Variants in GGA2 observed in about 807,000 individuals in gnomAD.
GGA2 encodes the protein ADP-ribosylation factor-binding protein GGA2.
Under a neutral mutation model 79.5 loss-of-function variants are expected in GGA2, and 48 were observed. That is an observed-to-expected ratio of 0.60 (90% confidence interval 0.48 to 0.77). GGA2 has a LOEUF of 0.77. Among genes scored for constraint, GGA2 ranks in the 30% least tolerant of loss-of-function variants. The pLI is 0.00. For missense variants in GGA2, 770 were observed against 774.0 expected (o/e 0.99, Z 0.06); for synonymous variants, 317 against 302.0 (o/e 1.05, Z -0.51).
chr16:23,486,559 G>T, intron 7 of GGA2, 151 bp downstream of exon 7: 1 of 699,572 alleles, frequency 1.4e-6, no homozygotes, highest in Non-Finnish European at 2.6e-6. Flanking sequence ...GCCCTTGAGG[G>T]AGACTATGGC....
chr16:23,505,230 CAAGTGGAA>C (rs1964962008), intron 1 of GGA2, among the ~76,000 whole-genome samples: 1 of 152,116 alleles, frequency 6.6e-6, no homozygotes, highest in Non-Finnish European at 1.5e-5. Flanking sequence ...GGAGTAGGAC[CAAGTGGAA>C]GGAAGAAACA....
At chr16:23,516,011 A>ATTT (rs34582265) in intron 2 of GGA2, among the ~76,000 whole-genome samples, 4 of 141,122 alleles carry the variant, frequency 2.8e-5, no homozygotes, top group Non-Finnish European at 3.1e-5. Flanking sequence ...CCTCTGACCT[A>ATTT]TTTTTTTTTT....
intron 12 of GGA2, 136 bp from the exon 13 acceptor site, chr16:23,478,637 G>T (rs1199846824): frequency 1.2e-5 from 10 of 869,192 alleles, no homozygotes; most frequent in Non-Finnish European, 1.7e-5. Context: ...GGCAAGAGGG[G>T]AAAGAAAGGG....
At chr16:23,470,286 A>G (rs1964494052) in intron 14 of GGA2, 121 bp from the exon 15 acceptor site, 4 of 669,866 alleles carry the variant, frequency 6.0e-6, no homozygotes, top group Admixed American at 3.5e-5. Context: ...GAACATGTCC[A>G]GGACTGAATT....
At chr16:23,480,541 T>C in intron 10 of GGA2, 104 bp downstream of exon 10, 1 of 975,442 alleles carries the variant, frequency 1.0e-6, no homozygotes, top group Non-Finnish European at 1.5e-6. Context: ...GCGAGTTCTC[T>C]CATTTCTATT....
chr16:23,483,860 T>C (rs915961795), intron 8 of GGA2, among the ~76,000 whole-genome samples: 3 of 150,996 alleles, frequency 2.0e-5, no homozygotes, highest in African/African-American at 7.3e-5. Context: ...TTGGTCAGGC[T>C]GGTCTTGAAC....
intron 8 of GGA2, among the ~76,000 whole-genome samples, chr16:23,484,237 G>A (rs112767915): frequency 7.3e-5 from 11 of 150,478 alleles, no homozygotes; most frequent in African/African-American, 2.7e-4. Context: ...GAGAAACCCT[G>A]TCTCTACTTA....
intron 14 of GGA2, among the ~76,000 whole-genome samples, 197 bp from the exon 15 acceptor site, chr16:23,470,362 C>T (rs573946905): frequency 1.3e-5 from 2 of 152,116 alleles, no homozygotes; most frequent in Non-Finnish European, 2.9e-5. Context: ...TCCAAACTGA[C>T]CTTTCCCCAC....
At chr16:23,490,787 C>T (rs1964773214) in intron 5 of GGA2, among the ~76,000 whole-genome samples, 1 of 151,296 alleles carries the variant, frequency 6.6e-6, no homozygotes, top group Non-Finnish European at 1.5e-5. Flanking sequence ...TAAATGATTA[C>T]TGAAAGATCT....
At chr16:23,485,338 T>A (rs1463713656) in intron 8 of GGA2, among the ~76,000 whole-genome samples, 2 of 152,198 alleles carry the variant, frequency 1.3e-5, no homozygotes, top group African/African-American at 4.8e-5. Flanking sequence ...TTTTATGGTA[T>A]GTTAATTATC....
intron 1 of GGA2, among the ~76,000 whole-genome samples, chr16:23,502,323 T>G (rs1445475184): frequency 6.6e-6 from 1 of 152,172 alleles, no homozygotes; most frequent in East Asian, 1.9e-4. Flanking sequence ...CAGTTCATCT[T>G]ACCCCAGGCC....
At chr16:23,491,587 G>T in intron 5 of GGA2, 90 bp downstream of exon 5, 3 of 1,171,408 alleles carry the variant, frequency 2.6e-6, no homozygotes, top group Non-Finnish European at 2.5e-6. Flanking sequence ...AAGAAGTACA[G>T]CTTTCAACAA....
At chr16:23,516,265 G>A (rs1295480154) in intron 2 of GGA2, among the ~76,000 whole-genome samples, 1 of 152,066 alleles carries the variant, frequency 6.6e-6, no homozygotes, top group Non-Finnish European at 1.5e-5. Flanking sequence ...TCTTGCCTCG[G>A]CTTCCCAAAG....
chr16:23,473,016 G>A (rs1402400253), intron 14 of GGA2, among the ~76,000 whole-genome samples: 1 of 130,628 alleles, frequency 7.7e-6, no homozygotes, highest in Non-Finnish European at 1.6e-5. Flanking sequence ...CTGGGTGACA[G>A]CGAGACTCTG....
upstream of GGA2, among the ~76,000 whole-genome samples, chr16:23,513,802 AAAG>A (rs1398061250): frequency 4.6e-4 from 17 of 36,926 alleles, no homozygotes; most frequent in Non-Finnish European, 7.2e-4. Flanking sequence ...AAAAAAAAAG[AAAG>A]AAAAAAAGAA....
At chr16:23,507,569 A>C (rs968751647) in intron 1 of GGA2, among the ~76,000 whole-genome samples, 11 of 152,146 alleles carry the variant, frequency 7.2e-5, no homozygotes, top group Non-Finnish European at 1.6e-4. Flanking sequence ...CGGACGTTGC[A>C]GTGAGCTGAG....
At chr16:23,491,472 C>T (rs1311291434) in intron 5 of GGA2, among the ~76,000 whole-genome samples, 2 of 149,560 alleles carry the variant, frequency 1.3e-5, no homozygotes, top group Non-Finnish European at 3.0e-5. Flanking sequence ...AACCCTACAT[C>T]ATCTTTCCAG....
upstream of GGA2, among the ~76,000 whole-genome samples, chr16:23,511,528 C>G (rs570257149): frequency 6.6e-6 from 1 of 150,414 alleles, no homozygotes; most frequent in African/African-American, 2.5e-5. Flanking sequence ...GATGGAGTCT[C>G]GCTCTGTCGC....
chr16:23,465,610 C>T lies in GGA2; in HGVS notation c.*1980G>A, dbSNP rs1964426288. ...GGAGATGCTGTCATTATGATGGGTA[C>T]CTCTTCAAGACTACGCAACAGTAAC... On this transcript the variant is annotated 3_prime_UTR_variant, in exon 17 of 17. Coordinates refer to ENST00000309859, the MANE Select transcript of GGA2 (RefSeq NM_015044.4). 3.4e-6 allele frequency: 2 copies of T among 596,290 alleles called. No homozygotes were observed. The highest frequency in any genetic ancestry group is 2.0e-5 in the South Asian group (1 of 50,142). 36.9% of individuals were successfully genotyped at this position (596,290 alleles called of 1,614,324 possible). A position where few individuals can be genotyped will look rare whatever the true frequency, so the allele number is the denominator to read the frequency against.
Sources: allele counts gnomAD v4.1 joint callset (sites outside exome capture counted in the v4.1 genomes callset), GRCh38; gene constraint gnomAD v4.1.1; transcripts MANE v1.5; gene names NCBI Gene and HGNC (gene_info 2026-07-23, HGNC 2026-07-21).